SH3YL1: variants seen among roughly 807,000 people sequenced by gnomAD.
The protein encoded by SH3YL1 is SH3 and SYLF domain containing 1.
A neutral mutation model predicts 45.8 loss-of-function variants in SH3YL1; 41 were observed. The ratio of observed to expected loss-of-function variants is 0.89; its 90% CI spans 0.70 to 1.16. The LOEUF is 1.16. Ranked by LOEUF, SH3YL1 falls within the 50% of genes most tolerant of loss-of-function variation. The pLI, the probability that SH3YL1 is intolerant of heterozygous loss-of-function variation, is 0.00. For missense variants in SH3YL1, 389 were observed against 409.6 expected, an observed-to-expected ratio of 0.95 and a Z score of 0.43; for synonymous variants, 152 against 151.4, an observed-to-expected ratio of 1.00 and a Z score of -0.03.
At chr2:220,795 C>G (rs1667535525) in intron 9 of SH3YL1, among the ~76,000 whole-genome samples, 1 of 152,164 alleles carries the variant, frequency 6.6e-6, no homozygotes, top group Non-Finnish European at 1.5e-5. Flanking sequence ...AGTGAAGAAC[C>G]TCCAGGAACT....
chr2:240,428 A>G (rs1188842586), intron 4 of SH3YL1: 1 of 152,252 alleles, frequency 6.6e-6, no homozygotes, highest in Admixed American at 6.5e-5. Flanking sequence ...AGGGTGGGGA[A>G]GTTCAAAGGT....
Position 218,745 on chromosome 2 carries a change from C to A in SH3YL1, c.*66G>T. 1 of 1,285,800 alleles carries A rather than the reference C, an allele frequency of 7.8e-7. No homozygotes were observed. Among genetic ancestry groups the A allele is most frequent in the Non-Finnish European group, 1.1e-6 (1 of 944,330 alleles). The allele number at this position is 1,285,800 out of a possible 1,614,324, so 79.6% of individuals were successfully genotyped here. ...AAAATTTATATTAAACATTGCTTAA[C>A]TAGTAAATCCTGTCAGTGTAGAAAT... is the stretch of plus-strand genomic sequence containing the variant. On this transcript the variant is annotated 3_prime_UTR_variant, in exon 10 of 10. Coordinates refer to ENST00000356150, the MANE Select transcript of SH3YL1 (RefSeq NM_015677.4).
chr2:238,259 TTGTGTGTGTG>T (rs3842546), intron 4 of SH3YL1, among the ~76,000 whole-genome samples: 8,149 of 141,882 alleles, frequency 0.057, 275 homozygotes, highest in Non-Finnish European at 0.072. Flanking sequence ...TCCTCCCTCC[TTGTGTGTGTG>T]TGTGTGTGTG....
chr2:233,005 AAAG>A, intron 6 of SH3YL1, 93 bp downstream of exon 6: 3 of 1,101,024 alleles, frequency 2.7e-6, no homozygotes, highest in Middle Eastern at 3.4e-4. Flanking sequence ...CATGTTGTAA[AAAG>A]AATATATAAA....
At chr2:237,832 T>A (rs1232016723) in intron 4 of SH3YL1, among the ~76,000 whole-genome samples, 2 of 151,792 alleles carry the variant, frequency 1.3e-5, no homozygotes, top group Non-Finnish European at 2.9e-5. Context: ...AAAAAAAAAA[T>A]TAAAAAATAA....
chr2:255,420 C>T (rs1669273654), intron 1 of SH3YL1, among the ~76,000 whole-genome samples: 1 of 151,880 alleles, frequency 6.6e-6, no homozygotes, highest in Non-Finnish European at 1.5e-5. Flanking sequence ...ATAGTGAGAC[C>T]CCCATCTCTA....
chr2:226,437 G>A (rs183725989), intron 8 of SH3YL1, among the ~76,000 whole-genome samples: 91 of 152,294 alleles, frequency 6.0e-4, no homozygotes, highest in Admixed American at 1.2e-3. Flanking sequence ...TTTATATGAA[G>A]AGATGTTTAC....
intron 1 of SH3YL1, chr2:261,412 T>A (rs1669586021): frequency 6.6e-6 from 1 of 152,216 alleles, no homozygotes; most frequent in South Asian, 2.1e-4. Flanking sequence ...TTTAAGTTTT[T>A]TCTAAAAAAA....
chr2:227,098 G>A (rs1667816780), intron 8 of SH3YL1, among the ~76,000 whole-genome samples: 1 of 151,340 alleles, frequency 6.6e-6, no homozygotes, highest in Admixed American at 6.6e-5. Context: ...TATTATGGTG[G>A]GAAGGTTATG....
At chr2:230,707 C>T (rs1372644264) in intron 7 of SH3YL1, 6 of 306,386 alleles carry the variant, frequency 2.0e-5, no homozygotes, top group African/African-American at 4.4e-5. Flanking sequence ...GGGGGTTTTG[C>T]CATGTTGGCC....
intron 1 of SH3YL1, among the ~76,000 whole-genome samples, chr2:261,998 T>C (rs185889040): frequency 6.6e-6 from 1 of 152,332 alleles, no homozygotes; most frequent in East Asian, 1.9e-4. Context: ...ACTGATAAAA[T>C]TCCATCTAAG....
intron 1 of SH3YL1, chr2:262,515 C>T: frequency 8.5e-7 from 1 of 1,173,744 alleles, no homozygotes; most frequent in Non-Finnish European, 1.1e-6. Context: ...ACACATGCCA[C>T]ACTGGTCTGA....
chr2:234,586 G>A (rs532176637), intron 4 of SH3YL1, among the ~76,000 whole-genome samples: 1 of 152,228 alleles, frequency 6.6e-6, no homozygotes, highest in South Asian at 2.1e-4. Flanking sequence ...GGTTTAGTGG[G>A]GTTAGGTAAA....
chr2:244,352 C>T (rs896598212), intron 4 of SH3YL1, among the ~76,000 whole-genome samples: 4 of 151,904 alleles, frequency 2.6e-5, no homozygotes, highest in Non-Finnish European at 4.4e-5. Flanking sequence ...AAAAATTAGC[C>T]GAGCATGGTG....
chr2:264,360 CTA>C (rs1669750362), upstream of SH3YL1: 1 of 251,368 alleles, frequency 4.0e-6, no homozygotes, highest in African/African-American at 2.2e-5. Context: ...CCCAGCCCCT[CTA>C]TGCGAACTCG....
chr2:249,610 T>C lies in SH3YL1; in HGVS notation c.226+121A>G, dbSNP rs1240153563. On this transcript the variant is annotated intron_variant, in intron 3 of 9. Transcript: ENST00000356150. The stretch of plus-strand genomic sequence containing the variant: ...TGCACGTTCAGTCGAGTAGCCCTTA[T>C]TACATAAGTTTTAGTTGATATGCAG... The C allele has an allele frequency of 4.3e-6, 3 of 701,098 alleles. No individual in the cohort carries two copies. The East Asian group carries it at 8.3e-5, about 19-fold the overall frequency. 43.4% of individuals were successfully genotyped at this position (701,098 alleles called of 1,614,324 possible). A position where few individuals can be genotyped will look rare whatever the true frequency, so the allele number is the denominator to read the frequency against.
upstream of SH3YL1, chr2:264,047 C>T: frequency 7.3e-7 from 1 of 1,362,282 alleles, no homozygotes; most frequent in South Asian, 1.7e-5. Context: ...GCGCGCTGCC[C>T]CGCCCCGCGG....
In SH3YL1 at chr2:218,988, T is replaced by C; in HGVS notation, c.852A>G (p.Gln284=). ...AATACAGCGCTGTCACTTCTATGGG[T>C]TGATTCAAATTGCCTGAAACAAGAA... is the stretch of plus-strand genomic sequence containing the variant. ...SYHERVGNLN[Q]PIEVTALYSF... The change falls in exon 10 of 10, where the codon CAA becomes CAG. Residue 284 remains glutamine, a synonymous_variant. Coordinates refer to ENST00000356150, the MANE Select transcript of SH3YL1 (RefSeq NM_015677.4). 1 of 1,605,396 alleles carries C rather than the reference T, an allele frequency of 6.2e-7. No homozygotes were observed. The highest frequency in any genetic ancestry group is 8.5e-7 in the Non-Finnish European group (1 of 1,176,458).
chr2:262,949 G>C (rs1669648248), intron 1 of SH3YL1, among the ~76,000 whole-genome samples: 1 of 152,072 alleles, frequency 6.6e-6, no homozygotes, highest in Non-Finnish European at 1.5e-5. Context: ...AAACATGATA[G>C]ACAGGATGGA....
Sources: gnomAD v4.1 joint callset for allele counts (sites outside exome capture counted in the v4.1 genomes callset) on GRCh38, gnomAD v4.1.1 for gene constraint, MANE v1.5 for transcripts, NCBI Gene and HGNC (gene_info 2026-07-23, HGNC 2026-07-21) for gene names.